MASP1: variants seen among roughly 807,000 people sequenced by gnomAD.
MASP1 encodes mannan-binding lectin serine protease 1.
A neutral mutation model predicts 77.1 loss-of-function variants in MASP1; 59 were observed. The ratio of observed to expected loss-of-function variants is 0.77; its 90% confidence interval spans 0.62 to 0.95. The LOEUF (loss-of-function observed/expected upper bound fraction) is 0.95, where lower values mean the gene tolerates loss of function less well. MASP1 is among the 40% of genes least tolerant of loss of function. The pLI is 0.00. For synonymous variants in MASP1, 362 were observed against 354.5 expected (o/e 1.02, Z -0.24); for missense variants, 885 against 912.9 (o/e 0.97, Z 0.39).
chr3:187,262,040 A>C (rs1715623281), intron 3 of MASP1, among the ~76,000 whole-genome samples: 1 of 152,220 alleles, frequency 6.6e-6, no homozygotes, highest in Admixed American at 6.5e-5. Flanking sequence ...CTACAGCAGA[A>C]AAAAAATCAA....
chr3:187,279,982 A>C (rs1328207548), intron 2 of MASP1, among the ~76,000 whole-genome samples: 4 of 152,236 alleles, frequency 2.6e-5, no homozygotes, highest in African/African-American at 7.2e-5. Flanking sequence ...TGATCTTTGC[A>C]GACCCAGTCT....
chr3:187,262,875 G>A (rs76319700), intron 2 of MASP1, among the ~76,000 whole-genome samples, 155 bp from the exon 3 acceptor site: 1 of 152,266 alleles, frequency 6.6e-6, no homozygotes, highest in East Asian at 1.9e-4. Flanking sequence ...GAGAAAAGAC[G>A]CATTACAAGT....
downstream of MASP1, among the ~76,000 whole-genome samples, chr3:187,233,315 C>T (rs573288847): frequency 1.3e-5 from 2 of 152,162 alleles, no homozygotes; most frequent in Non-Finnish European, 2.9e-5. Flanking sequence ...TCAAATAGAG[C>T]ATGCCCTTTA....
rs1200881172 is a variant in MASP1, at chr3:187,235,079, C to A, written c.*605G>T. Reference sequence around the variant, plus strand: ...AACATAAGGGATAAGGCTTAGACTGCAAGAAGCTTTTGGGAGAGAAACCCC... The same window carrying A: ...AACATAAGGGATAAGGCTTAGACTGAAAGAAGCTTTTGGGAGAGAAACCCC... On this transcript the variant is annotated 3_prime_UTR_variant, in exon 11 of 11. Transcript: ENST00000296280. 1 of 1,287,260 alleles carries A rather than the reference C, an allele frequency of 7.8e-7. No homozygotes were observed. Among genetic ancestry groups the A allele is most frequent in the East Asian group, 5.5e-5 (1 of 18,024 alleles). The allele number at this position is 1,287,260 out of a possible 1,614,324, so 79.7% of individuals were successfully genotyped here. A position where few individuals can be genotyped will look rare whatever the true frequency, so the allele number is the denominator to read the frequency against.
intron 1 of MASP1, 122 bp from the exon 2 acceptor site, chr3:187,286,178 T>C: frequency 2.5e-6 from 2 of 786,460 alleles, no homozygotes; most frequent in Non-Finnish European, 4.3e-6. Context: ...CGTAATTAGC[T>C]TTCCCCTTCT....
chr3:187,253,333 G>A lies in MASP1; in HGVS notation c.745-18C>T, dbSNP rs753245966. 1.6e-5 allele frequency: 26 copies of A among 1,613,788 alleles called. No homozygotes were observed. Among genetic ancestry groups the A allele is most frequent in the Non-Finnish European group, 2.2e-5 (26 of 1,179,908 alleles). ...ACTTTGATCTGCAAAATATGAGAGAGAGAGAGAGAAATAGAGTGTTCCATC... is the reference window on the plus strand; with the variant it reads ...ACTTTGATCTGCAAAATATGAGAGAAAGAGAGAGAAATAGAGTGTTCCATC... On this transcript the variant is annotated intron_variant, in intron 5 of 10. Coordinates refer to ENST00000296280, the MANE Select transcript of MASP1 (RefSeq NM_139125.4).
downstream of MASP1, among the ~76,000 whole-genome samples, chr3:187,229,447 A>G (rs151263552): frequency 2.3e-3 from 351 of 152,270 alleles, 3 homozygotes; most frequent in African/African-American, 8.2e-3. Flanking sequence ...CATAGCATTC[A>G]AGGTCTTTGT....
chr3:187,265,925 G>A (rs566464678), intron 2 of MASP1, among the ~76,000 whole-genome samples: 2 of 152,134 alleles, frequency 1.3e-5, no homozygotes, highest in Non-Finnish European at 2.9e-5. Flanking sequence ...AAACAGAGGG[G>A]TCACTGGTCC....
exon 16 of MASP1, chr3:187,217,507 AT>A (rs1180891296): frequency 6.6e-6 from 1 of 152,156 alleles, no homozygotes; most frequent in African/African-American, 2.4e-5. Flanking sequence ...TTTCTTACTT[AT>A]TTTTTTAAAT....
intron 2 of MASP1, among the ~76,000 whole-genome samples, chr3:187,273,792 C>G (rs1293100694): frequency 6.6e-6 from 1 of 152,190 alleles, no homozygotes; most frequent in African/African-American, 2.4e-5. Flanking sequence ...TTCAGAAACT[C>G]TTGAAAGCCA....
chr3:187,277,331 G>C (rs1717046423), intron 2 of MASP1, among the ~76,000 whole-genome samples: 1 of 152,158 alleles, frequency 6.6e-6, no homozygotes, highest in African/African-American at 2.4e-5. Context: ...AATCTAGTGG[G>C]AATGAGCTTG....
chr3:187,262,416 A>G (rs915907025), intron 3 of MASP1, 127 bp downstream of exon 3: 2 of 886,760 alleles, frequency 2.3e-6, no homozygotes, highest in African/African-American at 3.3e-5. Context: ...CAAATGCATT[A>G]AGACATTAAT....
intron 11 of MASP1, among the ~76,000 whole-genome samples, chr3:187,228,205 T>C (rs1712549500): frequency 6.6e-6 from 1 of 150,820 alleles, no homozygotes; most frequent in African/African-American, 2.4e-5. Flanking sequence ...GAGAATGGCT[T>C]GAACCCGAGA....
intron 10 of MASP1, among the ~76,000 whole-genome samples, chr3:187,238,523 A>T (rs1409874825): frequency 2.6e-5 from 4 of 152,086 alleles, no homozygotes; most frequent in Non-Finnish European, 4.4e-5. Context: ...GGAGAAAGGG[A>T]TCTTCTTGAA....
chr3:187,283,518 C>T (rs3774290), intron 2 of MASP1, among the ~76,000 whole-genome samples: 31,699 of 152,044 alleles, frequency 0.21, 3,944 homozygotes, highest in African/African-American at 0.35. Context: ...AAGAGTTTCT[C>T]AATGACTATG....
intron 2 of MASP1, among the ~76,000 whole-genome samples, chr3:187,280,809 T>C (rs1042523461): frequency 6.6e-6 from 1 of 152,234 alleles, no homozygotes; most frequent in Non-Finnish European, 1.5e-5. Flanking sequence ...TAAATTCTAA[T>C]ACAAGCATGA....
chr3:187,223,519 C>T (rs879856834), intron 13 of MASP1, among the ~76,000 whole-genome samples: 3 of 152,200 alleles, frequency 2.0e-5, no homozygotes, highest in Non-Finnish European at 4.4e-5. Flanking sequence ...GTGCCTATAG[C>T]AATGCTGTCA....
chr3:187,282,720 G>A (rs1717535668), intron 2 of MASP1, among the ~76,000 whole-genome samples: 1 of 152,156 alleles, frequency 6.6e-6, no homozygotes, highest in African/African-American at 2.4e-5. Context: ...ATCCTGCAGA[G>A]GGGAGGCCTG....
chr3:187,273,465 T>C (rs1390331821), intron 2 of MASP1, among the ~76,000 whole-genome samples: 1 of 152,206 alleles, frequency 6.6e-6, no homozygotes, highest in Non-Finnish European at 1.5e-5. Flanking sequence ...AGTCTAGGAA[T>C]TTCTCTCTTT....
Sources: gnomAD v4.1 joint callset for allele counts (sites outside exome capture counted in the v4.1 genomes callset) on GRCh38, gnomAD v4.1.1 for gene constraint, MANE v1.5 for transcripts, NCBI Gene and HGNC (gene_info 2026-07-23, HGNC 2026-07-21) for gene names.